Variants in OPN3 observed in about 807,000 individuals in gnomAD.
OPN3 encodes the protein opsin 3, also known as opsin-3.
Under a neutral mutation model 33.8 loss-of-function variants are expected in OPN3, and 29 were observed. That is an observed-to-expected ratio of 0.86 (90% CI 0.64 to 1.17). The LOEUF is 1.17. Ranked by LOEUF, OPN3 falls within the 50% of genes most tolerant of loss-of-function variation. The pLI, the probability that OPN3 is intolerant of heterozygous loss-of-function variation, is 0.00. For synonymous variants in OPN3, 216 were observed against 216.1 expected, an observed-to-expected ratio of 1.00 and a Z score of 0.00; for missense variants, 437 against 514.1, an observed-to-expected ratio of 0.85 and a Z score of 1.45.
chr1:241,610,044 A>T (rs1028533630), intron 1 of OPN3, among the ~76,000 whole-genome samples: 1 of 152,230 alleles, frequency 6.6e-6, no homozygotes, highest in African/African-American at 2.4e-5. Context: ...TAATATAAAC[A>T]TTTCAAAATT....
chr1:241,628,218 G>T (rs1030023582), intron 1 of OPN3, among the ~76,000 whole-genome samples: 2 of 152,196 alleles, frequency 1.3e-5, no homozygotes, highest in Non-Finnish European at 2.9e-5. Flanking sequence ...GCTAGTTACA[G>T]TGGGGAGTGA....
intron 1 of OPN3, among the ~76,000 whole-genome samples, chr1:241,607,312 C>G (rs1663858004): frequency 6.6e-6 from 1 of 152,054 alleles, no homozygotes; most frequent in Non-Finnish European, 1.5e-5. Flanking sequence ...GTCAGGAGTT[C>G]AAGACCAGCC....
intron 1 of OPN3, chr1:241,633,580 C>A: frequency 3.5e-6 from 2 of 574,664 alleles, no homozygotes; most frequent in Non-Finnish European, 3.0e-6. Context: ...GGTCATATAG[C>A]CCATTCTAAA....
intron 1 of OPN3, 123 bp downstream of exon 1, chr1:241,639,759 G>C (rs1004504527): frequency 4.0e-6 from 4 of 1,011,396 alleles, no homozygotes; most frequent in South Asian, 2.0e-5. Flanking sequence ...GTGTAGGGCG[G>C]GGGGCGCGGG....
chr1:241,614,767 G>T (rs1466538581), intron 1 of OPN3, among the ~76,000 whole-genome samples: 1 of 151,858 alleles, frequency 6.6e-6, no homozygotes, highest in African/African-American at 2.4e-5. Flanking sequence ...CTAGCCTTAG[G>T]CTTTTCTGCC....
At chr1:241,635,052 ACAG>A (rs1453346640) in intron 1 of OPN3, 3 of 1,613,182 alleles carry the variant, frequency 1.9e-6, no homozygotes, top group Non-Finnish European at 2.5e-6. Flanking sequence ...CCTTGAGAAT[ACAG>A]CAGTTTTGAC....
intron 1 of OPN3, among the ~76,000 whole-genome samples, chr1:241,637,922 T>C (rs1328173976): frequency 1.3e-5 from 2 of 152,192 alleles, no homozygotes; most frequent in Admixed American, 1.3e-4. Context: ...TCCCCTTCAA[T>C]ACTCCACTGT....
intron 2 of OPN3, among the ~76,000 whole-genome samples, chr1:241,603,844 C>T (rs1388709892): frequency 3.9e-5 from 6 of 152,190 alleles, no homozygotes; most frequent in African/African-American, 1.4e-4. Flanking sequence ...TCAGTTCTTA[C>T]CCTTTATGAC....
intron 1 of OPN3, among the ~76,000 whole-genome samples, chr1:241,616,410 A>G (rs530616705): frequency 1.2e-4 from 19 of 152,200 alleles, no homozygotes; most frequent in African/African-American, 3.6e-4. Context: ...TTCACCATTT[A>G]TAACTTCCTT....
At chr1:241,634,158 C>T (rs1664770683) in intron 1 of OPN3, 3 of 1,613,642 alleles carry the variant, frequency 1.9e-6, no homozygotes, top group Non-Finnish European at 2.5e-6. Context: ...TCGTTTATTT[C>T]TGTTTCAGTA....
At chr1:241,605,824 G>A (rs781539643) in intron 1 of OPN3, among the ~76,000 whole-genome samples, 5 of 152,232 alleles carry the variant, frequency 3.3e-5, no homozygotes, top group Non-Finnish European at 7.3e-5. Flanking sequence ...AGGGCTCACA[G>A]GAGATGGAAA....
intron 1 of OPN3, among the ~76,000 whole-genome samples, chr1:241,613,424 C>A (rs941580220): frequency 4.6e-5 from 7 of 152,174 alleles, no homozygotes; most frequent in Non-Finnish European, 1.0e-4. Flanking sequence ...AAAGTCCATG[C>A]TGTGCTATAC....
chr1:241,615,861 C>T (rs1664110619), intron 1 of OPN3: 2 of 456,636 alleles, frequency 4.4e-6, no homozygotes, highest in Admixed American at 2.3e-5. Flanking sequence ...TACCTGCATG[C>T]AGATAGTGCC....
chr1:241,631,903 G>C (rs901109461), intron 1 of OPN3: 3 of 152,122 alleles, frequency 2.0e-5, no homozygotes, highest in Admixed American at 2.0e-4. Context: ...TTAGTAGAAA[G>C]ATCAAAGGTT....
At chr1:241,602,174 G>A (rs146400409) in intron 2 of OPN3, among the ~76,000 whole-genome samples, 4 of 152,264 alleles carry the variant, frequency 2.6e-5, no homozygotes, top group East Asian at 1.9e-4. Flanking sequence ...AAGAAGAGAA[G>A]CCCTTGGAAG....
At chr1:241,634,635 G>T in intron 1 of OPN3, 1 of 1,613,870 alleles carries the variant, frequency 6.2e-7, no homozygotes, top group Non-Finnish European at 8.5e-7. Context: ...CCATACAAGG[G>T]AAATAAAAAG....
rs76629357 is a variant in OPN3 at position 241,631,821 on chromosome 1, G to C, written c.373+8061C>G. 3.9e-5 allele frequency: 6 copies of C among 151,912 alleles called. No homozygotes were observed. In the East Asian group the frequency reaches 1.2e-3, roughly 29 times the overall value. The allele number at this position is 151,912 out of a possible 1,614,324, so 9.4% of individuals were successfully genotyped here. On this transcript the variant is annotated intron_variant, in intron 1 of 3. Transcript: ENST00000366554. ...GGACCAGTGTGTGCTTTTTACCCCC[G>C]GCAATGCTAGACTAATTTTCGTGGG...
intron 1 of OPN3, chr1:241,628,981 C>T (rs1053834946): frequency 5.2e-5 from 8 of 152,628 alleles, no homozygotes; most frequent in African/African-American, 1.9e-4. Flanking sequence ...TCAATGTAGA[C>T]CTAAATTTTC....
At chr1:241,617,586 AT>A (rs1304012441) in intron 1 of OPN3, among the ~76,000 whole-genome samples, 7 of 152,220 alleles carry the variant, frequency 4.6e-5, no homozygotes, top group Admixed American at 3.3e-4. Context: ...CACTGATTCC[AT>A]TTAAGTCATT....
Sources: allele counts gnomAD v4.1 joint callset (sites outside exome capture counted in the v4.1 genomes callset), GRCh38; gene constraint gnomAD v4.1.1; transcripts MANE v1.5; gene names NCBI Gene and HGNC (gene_info 2026-07-23, HGNC 2026-07-21).